Variants in PANX1 observed in about 807,000 individuals in gnomAD.
PANX1 encodes the protein pannexin 1.
Under a neutral mutation model 38.7 loss-of-function variants are expected in PANX1, and 30 were observed. The observed-to-expected ratio is 0.78, with a 90% CI of 0.58 to 1.05. The LOEUF is 1.05. Ranked by LOEUF, PANX1 falls within the 50% of genes least tolerant of loss-of-function variation. The probability of loss-of-function intolerance (pLI) is 0.00; values close to 1 mark genes in which losing one functional copy is unlikely to be tolerated. For synonymous variants in PANX1, 230 were observed against 212.2 expected (o/e 1.08, Z -0.73); for missense variants, 551 against 517.2 (o/e 1.07, Z -0.63).
At chr11:94,153,450 A>G (rs780230458) in intron 1 of PANX1, 41 bp from the exon 2 acceptor site, 1 of 1,607,994 alleles carries the variant, frequency 6.2e-7, no homozygotes, top group East Asian at 2.2e-5. Flanking sequence ...GAGTCCAGGT[A>G]AGCTGTGTTT....
intron 2 of PANX1, among the ~76,000 whole-genome samples, chr11:94,169,423 A>G (rs540235461): frequency 1.3e-5 from 2 of 151,768 alleles, no homozygotes; most frequent in Non-Finnish European, 2.9e-5. Context: ...GGCTAACTCT[A>G]CATTTGGGTG....
chr11:94,157,613 G>C (rs1223449278), intron 2 of PANX1, among the ~76,000 whole-genome samples: 1 of 152,124 alleles, frequency 6.6e-6, no homozygotes, highest in African/African-American at 2.4e-5. Context: ...ATTTGTTTGA[G>C]TTCATTTTAG....
rs117344141 is a variant in PANX1 at position 94,131,158 on chromosome 11, T to G, written c.181+1665T>G. Reference sequence around the variant, plus strand: ...CCGGGAGTAAAAGAGGCATGATCCCTGTCTTGGAGGTGCAAGTCTTGGGTA... The same window carrying G: ...CCGGGAGTAAAAGAGGCATGATCCCGGTCTTGGAGGTGCAAGTCTTGGGTA... On this transcript the variant is annotated intron_variant, in intron 1 of 4. Transcript: ENST00000227638. Among the ~76,000 whole-genome samples the G allele has an allele frequency of 8.6e-3, 1,306 of 152,246 alleles. 10 individuals carry two copies. Among genetic ancestry groups the G allele is most frequent in the Middle Eastern group, 0.02 (6 of 294 alleles).
chr11:94,165,088 T>C (rs1162939945), intron 2 of PANX1, among the ~76,000 whole-genome samples: 3 of 152,134 alleles, frequency 2.0e-5, no homozygotes, highest in Non-Finnish European at 2.9e-5. Flanking sequence ...GAGTTTCTGG[T>C]CAGCAGCGTT....
At chr11:94,179,072 T>G (rs1478597881) in intron 3 of PANX1, among the ~76,000 whole-genome samples, 1 of 152,180 alleles carries the variant, frequency 6.6e-6, no homozygotes, top group Non-Finnish European at 1.5e-5. Flanking sequence ...AGCCATCATT[T>G]TTTGAATATT....
chr11:94,129,621 T>C, intron 1 of PANX1, 128 bp downstream of exon 1: 4 of 804,430 alleles, frequency 5.0e-6, no homozygotes, highest in Non-Finnish European at 7.7e-6. Context: ...GGAAGGGCAG[T>C]GGCCCCAGTT....
At chr11:94,171,893 G>T (rs1227031061) in intron 2 of PANX1, among the ~76,000 whole-genome samples, 1 of 133,238 alleles carries the variant, frequency 7.5e-6, no homozygotes, top group Non-Finnish European at 1.6e-5. Context: ...CTCTAACACT[G>T]CTTGAGAACT....
chr11:94,161,195 T>G lies in PANX1; in HGVS notation c.321+7565T>G, dbSNP rs527263155. On this transcript the variant is annotated intron_variant, in intron 2 of 4. Coordinates refer to ENST00000227638, the MANE Select transcript of PANX1 (RefSeq NM_015368.4). ...TTTCAACTTTGGTGAATCTGACAAT[T>G]ATGTGTCTTGGAGTTGCTCTTCTCG... Among the ~76,000 whole-genome samples, 9 of 152,292 alleles carry G rather than the reference T, an allele frequency of 5.9e-5. No homozygotes were observed. In the South Asian group the frequency reaches 1.2e-3, roughly 21 times the overall value.
intron 1 of PANX1, among the ~76,000 whole-genome samples, chr11:94,140,843 G>A (rs1267335607): frequency 2.0e-5 from 3 of 152,072 alleles, no homozygotes; most frequent in African/African-American, 7.2e-5. Context: ...CCCATTACAT[G>A]TTCAGGTATA....
chr11:94,168,366 A>G (rs1947125921), intron 2 of PANX1, among the ~76,000 whole-genome samples: 1 of 151,900 alleles, frequency 6.6e-6, no homozygotes, highest in South Asian at 2.1e-4. Flanking sequence ...AGCGGGAGCC[A>G]TTGCAGGTAC....
intron 2 of PANX1, among the ~76,000 whole-genome samples, chr11:94,169,505 A>G (rs1187326136): frequency 6.6e-6 from 1 of 151,652 alleles, no homozygotes; most frequent in Non-Finnish European, 1.5e-5. Context: ...AAACTGTGAC[A>G]CCTTATTTGG....
At chr11:94,158,229 A>T (rs75478147) in intron 2 of PANX1, among the ~76,000 whole-genome samples, 2 of 151,564 alleles carry the variant, frequency 1.3e-5, no homozygotes, top group Non-Finnish European at 2.9e-5. Context: ...TTGGCGATGC[A>T]GGCTCTTTTT....
In PANX1 at chr11:94,179,275, C is replaced by T. The variant is rs371898669; in HGVS notation, c.546-327C>T. The stretch of plus-strand genomic sequence containing the variant: ...GACCCCATAGTTTTTGCCCATACCC[C>T]CTGAGTTGTCCCACCCCTTGCCTGT... On this transcript the variant is annotated intron_variant, in intron 3 of 4. Transcript: ENST00000227638. Among the ~76,000 whole-genome samples the T allele has an allele frequency of 1.1e-4, 16 of 152,272 alleles. No homozygotes were observed. In the South Asian group the frequency reaches 2.9e-3, roughly 28 times the overall value.
At chr11:94,156,053 C>T (rs1285407577) in intron 2 of PANX1, among the ~76,000 whole-genome samples, 1 of 116,010 alleles carries the variant, frequency 8.6e-6, no homozygotes, top group Non-Finnish European at 1.8e-5. Context: ...TTGATGGATC[C>T]GCAGGAGAAT....
intron 1 of PANX1, among the ~76,000 whole-genome samples, chr11:94,137,219 G>T (rs1185769002): frequency 6.6e-6 from 1 of 152,074 alleles, no homozygotes; most frequent in Non-Finnish European, 1.5e-5. Flanking sequence ...CAGGAGAATC[G>T]CTTGAACGCG....
chr11:94,176,445 T>C (rs2134523576), intron 2 of PANX1, among the ~76,000 whole-genome samples: 1 of 151,848 alleles, frequency 6.6e-6, no homozygotes, highest in South Asian at 2.1e-4. Flanking sequence ...ACTACTACTG[T>C]ACTTTACAAA....
At chr11:94,162,939 A>G (rs1179620179) in intron 2 of PANX1, among the ~76,000 whole-genome samples, 1 of 143,292 alleles carries the variant, frequency 7.0e-6, no homozygotes, top group East Asian at 2.0e-4. Context: ...TGGCACAAAC[A>G]TGGCTCACTG....
At chr11:94,146,728 G>A (rs1393356232) in intron 1 of PANX1, among the ~76,000 whole-genome samples, 1 of 152,192 alleles carries the variant, frequency 6.6e-6, no homozygotes, top group African/African-American at 2.4e-5. Context: ...CATTAGGGTC[G>A]CAAATGACAG....
intron 2 of PANX1, among the ~76,000 whole-genome samples, chr11:94,161,613 G>T (rs533407192): frequency 6.6e-5 from 10 of 152,046 alleles, no homozygotes; most frequent in East Asian, 5.8e-4. Context: ...ATTCTAGTTA[G>T]CCATTTGTCT....
Sources: gnomAD v4.1 joint callset for allele counts (sites outside exome capture counted in the v4.1 genomes callset) on GRCh38, gnomAD v4.1.1 for gene constraint, MANE v1.5 for transcripts, NCBI Gene and HGNC (gene_info 2026-07-23, HGNC 2026-07-21) for gene names.